GJA5: variants seen among roughly 807,000 people sequenced by gnomAD.
GJA5 encodes gap junction alpha-5 protein.
GJA5 carries 3 observed loss-of-function variants against 7.9 expected under a neutral mutation model. The observed-to-expected ratio is 0.38, with a 90% CI of 0.17 to 0.99. The LOEUF is 0.99. Ranked by LOEUF, GJA5 falls within the 50% of genes least tolerant of loss-of-function variation. The probability of loss-of-function intolerance (pLI) is 0.38; values close to 1 mark genes in which losing one functional copy is unlikely to be tolerated. For synonymous variants in GJA5, 193 were observed against 181.0 expected (o/e 1.07, Z -0.53); for missense variants, 390 against 457.9 (o/e 0.85, Z 1.35).
At chr1:147,765,129 TG>T (rs1453484085), upstream of GJA5, among the ~76,000 whole-genome samples, 16 of 152,238 alleles carry the variant, frequency 1.1e-4, no homozygotes, top group African/African-American at 3.9e-4. Flanking sequence ...GCTTACATAC[TG>T]TTCAAAATGT....
At chr1:147,761,495 T>A (rs1553227416), upstream of GJA5, among the ~76,000 whole-genome samples, 1 of 152,202 alleles carries the variant, frequency 6.6e-6, no homozygotes. Context: ...GTATACAGTG[T>A]CCCTGGGAAT....
chr1:147,763,191 T>A (rs781930242), upstream of GJA5, among the ~76,000 whole-genome samples: 3 of 152,364 alleles, frequency 2.0e-5, no homozygotes, highest in Non-Finnish European at 2.9e-5. Flanking sequence ...AATGTCCTTT[T>A]TAAAATTCAT....
Position 147,757,526 on chromosome 1 carries a change from TTTGCCAGAG to T in GJA5, c.*627_*635del. 1 of 157,066 alleles carries T rather than the reference TTTGCCAGAG, an allele frequency of 6.4e-6. No individual in the cohort carries two copies. Among genetic ancestry groups the T allele is most frequent in the Admixed American group, 6.0e-5 (1 of 16,726 alleles). 9.7% of individuals were successfully genotyped at this position (157,066 alleles called of 1,614,324 possible). On this transcript the variant is annotated 3_prime_UTR_variant, in exon 2 of 2. Coordinates refer to ENST00000579774, the MANE Select transcript of GJA5 (RefSeq NM_181703.4). ...TTTGCCAGAGGTACATACCAGGGCA[TTTGCCAGAG>T]GTACATACCAAGGCATTTGTAAAGC...
At chr1:147,771,960 G>A (rs1267371368) in intron 1 of GJA5, among the ~76,000 whole-genome samples, 2 of 152,214 alleles carry the variant, frequency 1.3e-5, no homozygotes, top group Non-Finnish European at 1.5e-5. Context: ...AGTGGGTGGA[G>A]GGGATGGAGG....
intron 1 of GJA5, among the ~76,000 whole-genome samples, chr1:147,769,247 C>T (rs1212101414): frequency 4.6e-5 from 7 of 152,308 alleles, no homozygotes; most frequent in African/African-American, 1.4e-4. Context: ...GTCTACTGCC[C>T]GGTTCTTGGC....
upstream of GJA5, among the ~76,000 whole-genome samples, chr1:147,761,269 G>C (rs371153505): frequency 6.6e-6 from 1 of 152,182 alleles, no homozygotes; most frequent in African/African-American, 2.4e-5. Context: ...TGGGTCCTTA[G>C]AGGTTTGTCA....
chr1:147,766,569 T>C (rs1273549233), intron 1 of GJA5, among the ~76,000 whole-genome samples: 1 of 152,060 alleles, frequency 6.6e-6, no homozygotes, highest in African/African-American at 2.4e-5. Context: ...GACAGAGCCG[T>C]TCTCTCAGCA....
chr1:147,758,914 G>A lies in GJA5; in HGVS notation c.325C>T (p.Arg109Trp), dbSNP rs782392307. Residue 109 changes from arginine (R) to tryptophan (W), a missense_variant, in exon 2 of 2, where the codon CGG (arginine) becomes TGG (tryptophan). This residue lies in a region of GJA5 where 354 missense variants were observed against 370.9 expected (regional missense o/e 0.95). Coordinates refer to ENST00000579774, the MANE Select transcript of GJA5 (RefSeq NM_181703.4). ...ACCTCTTTGGCCCTCTCGGCCTCCC[G>A]TAGCTTGCGCTTCTCCTGCATGCGC... ...TVRMQEKRKL[R>W]EAERAKEVRG... The A allele has an allele frequency of 1.4e-5, 22 of 1,614,104 alleles. No individual in the cohort carries two copies. The highest frequency in any genetic ancestry group is 4.2e-6 in the Non-Finnish European group (5 of 1,180,042).
At position 147,758,292 on chromosome 1, in the gene GJA5, C is replaced by G. The variant is rs369631383; in HGVS notation, c.947G>C (p.Arg316Pro). The stretch of plus-strand genomic sequence containing the variant: ...GGGCACCTCAGGCTTCTGGCCATAA[C>G]GAACCTGGATGAAACCTTCCCCAGG... ...QTPGEGFIQV[R>P]YGQKPEVPNG... The change falls in exon 2 of 2, where the codon CGT (arginine) becomes CCT (proline). Residue 316 changes from arginine (R) to proline (P), a missense_variant. Arg to Pro is a moderately radical substitution (Grantham distance 103). This residue lies in a region of GJA5 where 354 missense variants were observed against 370.9 expected (regional missense o/e 0.95). Coordinates refer to ENST00000579774, the MANE Select transcript of GJA5 (RefSeq NM_181703.4). 8 of 1,614,108 alleles carry G rather than the reference C, an allele frequency of 5.0e-6. No individual in the cohort carries two copies. The Admixed American group carries it at 1.2e-4, about 24-fold the overall frequency.
chr1:147,767,631 C>G (rs1361133385), intron 1 of GJA5, among the ~76,000 whole-genome samples: 1 of 150,328 alleles, frequency 6.7e-6, no homozygotes, highest in African/African-American at 2.5e-5. Context: ...CTCTTGGGCT[C>G]AGACGATCTA....
upstream of GJA5, among the ~76,000 whole-genome samples, chr1:147,761,403 G>A (rs1395810051): frequency 1.3e-5 from 2 of 152,152 alleles, no homozygotes; most frequent in African/African-American, 2.4e-5. Context: ...GGCTTCCTCA[G>A]CTCTTGAGTT....
chr1:147,767,120 A>G (rs1471150285), intron 1 of GJA5, among the ~76,000 whole-genome samples: 1 of 152,170 alleles, frequency 6.6e-6, no homozygotes, highest in African/African-American at 2.4e-5. Context: ...TTCTCCTTAA[A>G]ATGGGTATGT....
intron 1 of GJA5, among the ~76,000 whole-genome samples, chr1:147,772,433 A>G (rs1411512459): frequency 6.6e-6 from 1 of 152,168 alleles, no homozygotes; most frequent in Non-Finnish European, 1.5e-5. Flanking sequence ...GGAACCTTCT[A>G]CTTCAAATTC....
At position 147,758,289 on chromosome 1, in the gene GJA5, T is replaced by C. The variant is rs1553226778; in HGVS notation, c.950A>G (p.Tyr317Cys). The C allele has an allele frequency of 1.2e-6, 2 of 1,614,132 alleles. No homozygotes were observed. The highest frequency in any genetic ancestry group is 1.1e-5 in the South Asian group (1 of 91,080). Residue 317 changes from tyrosine (Y) to cysteine (C), a missense_variant, in exon 2 of 2, where the codon TAT becomes TGT. Coordinates refer to ENST00000579774, the MANE Select transcript of GJA5 (RefSeq NM_181703.4). ...ATTGGGCACCTCAGGCTTCTGGCCA[T>C]AACGAACCTGGATGAAACCTTCCCC... Reference protein sequence around the residue: ...TPGEGFIQVRYGQKPEVPNGV... With the variant: ...TPGEGFIQVRCGQKPEVPNGV...
chr1:147,760,192 C>T (rs1160853373), intron 1 of GJA5, among the ~76,000 whole-genome samples: 1 of 152,182 alleles, frequency 6.6e-6, no homozygotes, highest in Non-Finnish European at 1.5e-5. Flanking sequence ...AAGGTTCCCA[C>T]ACACAGATCT....
intron 1 of GJA5, among the ~76,000 whole-genome samples, chr1:147,772,246 G>C (rs1664434517): frequency 6.6e-6 from 1 of 152,136 alleles, no homozygotes; most frequent in South Asian, 2.1e-4. Context: ...TGGGGAGTGA[G>C]AACAAGGAAT....
At position 147,758,353 on chromosome 1, in the gene GJA5, G is replaced by C; in HGVS notation, c.886C>G (p.Leu296Val). ...TGACCTCGTACTTGCTCGGTGACCA[G>C]GTTGTCTGTGTTTTGTTGGGAGGCC... ...NMASQQNTDN[L>V]VTEQVRGQEQ... Residue 296 changes from leucine (L) to valine (V), a missense_variant, in exon 2 of 2, where the codon CTG (leucine) becomes GTG (valine). Physicochemically the swap from Leu to Val is conservative, Grantham distance 32. Transcript: ENST00000579774. 6.2e-7 allele frequency: 1 copy of C among 1,614,174 alleles called. No individual in the cohort carries two copies. Among genetic ancestry groups the C allele is most frequent in the Non-Finnish European group, 8.5e-7 (1 of 1,180,022 alleles).
At chr1:147,764,397 C>T (rs993813238), upstream of GJA5, among the ~76,000 whole-genome samples, 4 of 152,180 alleles carry the variant, frequency 2.6e-5, no homozygotes. Flanking sequence ...GTTTTCCAAA[C>T]ATTTGTCTAT....
chr1:147,768,039 T>C (rs587649783), intron 1 of GJA5, among the ~76,000 whole-genome samples: 2 of 152,318 alleles, frequency 1.3e-5, no homozygotes, highest in South Asian at 4.1e-4. Flanking sequence ...AGGCATGTGA[T>C]GTAACTGTAG....
Sources: allele counts gnomAD v4.1 joint callset (sites outside exome capture counted in the v4.1 genomes callset), GRCh38; gene constraint gnomAD v4.1.1; regional missense constraint gnomAD v4.1.1; transcripts MANE v1.5; gene names NCBI Gene and HGNC (gene_info 2026-07-23, HGNC 2026-07-21).